Variants in VWDE observed in about 807,000 individuals in gnomAD.
VWDE encodes von Willebrand factor D and EGF domain-containing protein.
In VWDE, 207 loss-of-function variants were observed where a neutral mutation model predicts 178.4. That is an observed-to-expected ratio of 1.16 (90% CI 1.04 to 1.30). The LOEUF (loss-of-function observed/expected upper bound fraction) is 1.30, where lower values mean the gene tolerates loss of function less well. VWDE is among the 50% of genes most tolerant of loss of function. VWDE has a pLI of 0.00. For missense variants in VWDE, 2,287 were observed against 1,901.3 expected (o/e 1.20, Z -3.77); for synonymous variants, 738 against 651.4 (o/e 1.13, Z -2.02).
intron 26 of VWDE, among the ~76,000 whole-genome samples, chr7:12,336,710 C>T (rs1277139354): frequency 2.0e-5 from 3 of 152,170 alleles, no homozygotes; most frequent in Non-Finnish European, 4.4e-5. Context: ...CTTTCCCCAA[C>T]CCCAACTTCA....
At chr7:12,391,427 C>G (rs1784384778) in intron 2 of VWDE, among the ~76,000 whole-genome samples, 1 of 152,220 alleles carries the variant, frequency 6.6e-6, no homozygotes, top group Non-Finnish European at 1.5e-5. Flanking sequence ...TCCTGGAGCA[C>G]AGCCTGCTCA....
In VWDE at chr7:12,375,150, CATTAGCACAGGAAG is replaced by C; in HGVS notation, c.1088_1101del (p.Ser363TrpfsTer4). The C allele has an allele frequency of 6.4e-7, 1 of 1,551,228 alleles. No individual in the cohort carries two copies. Among genetic ancestry groups the C allele is most frequent in the Non-Finnish European group, 8.7e-7 (1 of 1,146,656 alleles). ...TACACAAAAGTGTGGCTACAGGTTC[CATTAGCACAGGAAG>C]ATGTCTGGAGAAGGTCCACATGACA... On this transcript the variant is annotated frameshift_variant, in exon 8 of 29. Coordinates refer to ENST00000275358, the MANE Select transcript of VWDE (RefSeq NM_001135924.3). LOFTEE classifies it high-confidence loss of function.
chr7:12,383,525 A>T lies in VWDE; in HGVS notation c.541+11T>A. On this transcript the variant is annotated intron_variant, in intron 4 of 28. Coordinates refer to ENST00000275358, the MANE Select transcript of VWDE (RefSeq NM_001135924.3). ...AAAAACACTATTAAAAAAGCAAAAT[A>T]TGATACTTACGAACACAATCACCTC... 1.3e-6 allele frequency: 2 copies of T among 1,549,214 alleles called. No individual in the cohort carries two copies. Among genetic ancestry groups the T allele is most frequent in the East Asian group, 4.9e-5 (2 of 40,822 alleles).
At chr7:12,365,826 T>G (rs551520237) in intron 13 of VWDE, among the ~76,000 whole-genome samples, 2 of 152,268 alleles carry the variant, frequency 1.3e-5, no homozygotes, top group East Asian at 3.9e-4. Context: ...AAGACGGATA[T>G]GCACTCTAAT....
chr7:12,344,574 T>C (rs1186002278), intron 19 of VWDE, 105 bp from the exon 20 acceptor site: 3 of 818,420 alleles, frequency 3.7e-6, no homozygotes, highest in Non-Finnish European at 5.7e-6. Flanking sequence ...GTTTGAATAG[T>C]TAACTAATAG....
At chr7:12,395,012 T>C (rs1167435459) in intron 1 of VWDE, among the ~76,000 whole-genome samples, 1 of 152,146 alleles carries the variant, frequency 6.6e-6, no homozygotes, top group Non-Finnish European at 1.5e-5. Flanking sequence ...TTCTGCTTTT[T>C]ATTTTGTTTG....
At chr7:12,340,662 G>A (rs975651639) in intron 23 of VWDE, among the ~76,000 whole-genome samples, 7 of 152,178 alleles carry the variant, frequency 4.6e-5, no homozygotes, top group Admixed American at 3.9e-4. Flanking sequence ...AAGGGAGCTG[G>A]AATTTAAAGT....
intron 13 of VWDE, among the ~76,000 whole-genome samples, chr7:12,362,866 G>T (rs1249919158): frequency 1.3e-5 from 2 of 151,758 alleles, no homozygotes; most frequent in Non-Finnish European, 2.9e-5. Flanking sequence ...ATTTCTCAGA[G>T]TAGTCATGAT....
chr7:12,344,164 C>T (rs773797769), intron 21 of VWDE, 31 bp downstream of exon 21: 283 of 1,534,608 alleles, frequency 1.8e-4, no homozygotes, highest in Non-Finnish European at 2.4e-4. Context: ...TATTTTAGGC[C>T]TTATATTTGA....
rs1245979914 is a variant in VWDE at position 12,351,660 on chromosome 7, A to C, written c.3799T>G (p.Ser1267Ala). Reference protein sequence around the residue: ...FTTQTVVLTRSDKSVNKEEDD... With the variant: ...FTTQTVVLTRADKSVNKEEDD... ...TCTTCTTTATTTACACTTTTATCAG[A>C]TCTTGTGAGAACCACAGTTTGTGTA... Residue 1267 changes from serine to alanine, a missense_variant, in exon 19 of 29, where the codon TCT becomes GCT. Transcript: ENST00000275358. 1.9e-6 allele frequency: 3 copies of C among 1,550,182 alleles called. No homozygotes were observed. Among genetic ancestry groups the C allele is most frequent in the Non-Finnish European group, 2.6e-6 (3 of 1,146,314 alleles).
At chr7:12,342,552 T>C (rs867975461) in intron 22 of VWDE, among the ~76,000 whole-genome samples, 5 of 152,114 alleles carry the variant, frequency 3.3e-5, no homozygotes, top group Admixed American at 6.6e-5. Context: ...GCCACTGTGG[T>C]TGATATCAGT....
chr7:12,389,454 A>T, intron 2 of VWDE, 96 bp from the exon 3 acceptor site: 5 of 874,036 alleles, frequency 5.7e-6, no homozygotes, highest in Non-Finnish European at 8.7e-6. Flanking sequence ...AAGCCTTAAA[A>T]TATCATTAAT....
Position 12,377,920 on chromosome 7 carries a change from G to A in VWDE, c.880C>T (p.Leu294=). Residue 294 remains leucine (L), a splice_region_variant and synonymous_variant, in exon 7 of 29, where the codon CTA becomes TTA. Transcript: ENST00000275358. ...ESQEFFAGFK[L]QPELSTISED... is the part of the protein sequence containing the mutation. Reference sequence around the variant, plus strand: ...GATATAGTGCTCAATTCAGGCTGTAGCTGGTATAAGAAAATACGTAGAAAA... The same window carrying A: ...GATATAGTGCTCAATTCAGGCTGTAACTGGTATAAGAAAATACGTAGAAAA... 7.2e-7 allele frequency: 1 copy of A among 1,396,654 alleles called. No homozygotes were observed. The allele number at this position is 1,396,654 out of a possible 1,614,324, so 86.5% of individuals were successfully genotyped here.
intron 1 of VWDE, among the ~76,000 whole-genome samples, chr7:12,401,771 C>T (rs1338063095): frequency 6.6e-6 from 1 of 152,014 alleles, no homozygotes; most frequent in Non-Finnish European, 1.5e-5. Context: ...ACCCTATGAC[C>T]CGGTATTTCC....
Position 12,356,475 on chromosome 7 carries a change from T to C in VWDE, c.3526-145A>G, listed in dbSNP as rs1041211625. Reference sequence around the variant, plus strand: ...TGATATATATACACACACACACAAATGTAATATAAAATTGTATTAAAAATA... The same window carrying C: ...TGATATATATACACACACACACAAACGTAATATAAAATTGTATTAAAAATA... On this transcript the variant is annotated intron_variant, in intron 17 of 28. Transcript: ENST00000275358. The C allele has an allele frequency of 5.6e-5, 36 of 647,116 alleles. 1 individual carries two copies. The Admixed American group carries it at 9.5e-4, about 17-fold the overall frequency. The allele number at this position is 647,116 out of a possible 1,614,324, so 40.1% of individuals were successfully genotyped here. A position where few individuals can be genotyped will look rare whatever the true frequency, so the allele number is the denominator to read the frequency against.
chr7:12,336,873 C>G (rs1157842420), intron 26 of VWDE, 115 bp downstream of exon 26: 1 of 1,005,328 alleles, frequency 9.9e-7, no homozygotes, highest in African/African-American at 1.6e-5. Context: ...AATAAATATG[C>G]AAAAATTTTA....
At chr7:12,371,161 T>C (rs1278926243) in intron 10 of VWDE, among the ~76,000 whole-genome samples, 1 of 152,130 alleles carries the variant, frequency 6.6e-6, no homozygotes, top group African/African-American at 2.4e-5. Flanking sequence ...AATTAATACA[T>C]TACAAATATT....
At position 12,370,669 on chromosome 7, in the gene VWDE, T is replaced by C. The variant is rs995746998; in HGVS notation, c.1783A>G (p.Ile595Val). ...DQNFNNYVAF[I>V]NEWRILPGKS... ...ATAGTGTCTTACCTCCATTCATTAA[T>C]AAAAGCAACATAATTGTTAAAATTT... Residue 595 changes from isoleucine to valine, a missense_variant, in exon 11 of 29, where the codon ATT (isoleucine) becomes GTT (valine). By Grantham distance (29) the Ile-to-Val change is conservative. Coordinates refer to ENST00000275358, the MANE Select transcript of VWDE (RefSeq NM_001135924.3). The C allele has an allele frequency of 1.3e-6, 2 of 1,551,000 alleles. No individual in the cohort carries two copies. Among genetic ancestry groups the C allele is most frequent in the African/African-American group, 1.4e-5 (1 of 73,102 alleles).
At chr7:12,357,604 G>T (rs1782331565) in intron 16 of VWDE, 89 bp from the exon 17 acceptor site, 3 of 1,396,592 alleles carry the variant, frequency 2.1e-6, no homozygotes, top group South Asian at 1.4e-5. Flanking sequence ...TATGCATTTT[G>T]ATAAAGACTG....
Sources: gnomAD v4.1 joint callset for allele counts (sites outside exome capture counted in the v4.1 genomes callset) on GRCh38, gnomAD v4.1.1 for gene constraint, MANE v1.5 for transcripts, NCBI Gene and HGNC (gene_info 2026-07-23, HGNC 2026-07-21) for gene names.